Variants in CAAP1 observed in about 807,000 individuals in gnomAD.
CAAP1 encodes the protein conserved anti-apoptotic protein.
A neutral mutation model predicts 34.0 loss-of-function variants in CAAP1; 20 were observed. The observed-to-expected ratio is 0.59, with a 90% CI of 0.41 to 0.86. The LOEUF is 0.86. CAAP1 is among the 40% of genes least tolerant of loss of function. The pLI, the probability that CAAP1 is intolerant of heterozygous loss-of-function variation, is 0.00. For missense variants in CAAP1, 538 were observed against 450.5 expected, an observed-to-expected ratio of 1.19 and a Z score of -1.76; for synonymous variants, 213 against 166.7, an observed-to-expected ratio of 1.28 and a Z score of -2.14.
At chr9:26,870,579 C>T (rs937955417) in intron 4 of CAAP1, among the ~76,000 whole-genome samples, 3 of 129,872 alleles carry the variant, frequency 2.3e-5, no homozygotes, top group Non-Finnish European at 4.8e-5. Context: ...TAAATACACA[C>T]ATATATACGT....
intron 5 of CAAP1, among the ~76,000 whole-genome samples, chr9:26,849,152 A>T (rs1822684745): frequency 6.6e-6 from 1 of 152,228 alleles, no homozygotes; most frequent in Non-Finnish European, 1.5e-5. Flanking sequence ...ACAAAGGTAC[A>T]TTGGTGAGTA....
intron 4 of CAAP1, among the ~76,000 whole-genome samples, chr9:26,865,922 T>C (rs955585564): frequency 2.4e-4 from 36 of 152,090 alleles, no homozygotes; most frequent in Admixed American, 2.1e-3. Flanking sequence ...TCTCAGCTCA[T>C]TGCAACCTCC....
Position 26,892,702 on chromosome 9 carries a change from T to C in CAAP1, c.14A>G (p.Lys5Arg), listed in dbSNP as rs755791393. 6.3e-7 allele frequency: 1 copy of C among 1,593,948 alleles called. No individual in the cohort carries two copies. Among genetic ancestry groups the C allele is most frequent in the Non-Finnish European group, 8.5e-7 (1 of 1,174,050 alleles). The change falls in exon 1 of 6, where the codon AAG becomes AGG. Residue 5 changes from lysine to arginine, a missense_variant. Lys to Arg is a conservative substitution (Grantham distance 26). Transcript: ENST00000333916. Reference sequence around the variant, plus strand: ...TTTGCGCCGTTTCTCCCGGGAGGACTTTTTCCCCGTCATGATCCCTCTGCT... The same window carrying C: ...TTTGCGCCGTTTCTCCCGGGAGGACCTTTTCCCCGTCATGATCCCTCTGCT... MTGK[K>R]SSREKRRKRS...
chr9:26,880,279 C>A, intron 4 of CAAP1: 1 of 406,250 alleles, frequency 2.5e-6, no homozygotes. Flanking sequence ...CGCAAAGCAC[C>A]AATAGCTGCG....
At chr9:26,866,477 T>C (rs888253994) in intron 4 of CAAP1, among the ~76,000 whole-genome samples, 3 of 152,200 alleles carry the variant, frequency 2.0e-5, no homozygotes, top group African/African-American at 7.2e-5. Flanking sequence ...AGGACAGACT[T>C]ACTCTCACTA....
intron 5 of CAAP1, among the ~76,000 whole-genome samples, chr9:26,855,062 C>T (rs1822835648): frequency 6.6e-6 from 1 of 152,180 alleles, no homozygotes; most frequent in South Asian, 2.1e-4. Context: ...CTATTTTATC[C>T]ATAATTGCCA....
chr9:26,846,341 A>C (rs956426219), intron 5 of CAAP1, among the ~76,000 whole-genome samples: 2 of 145,004 alleles, frequency 1.4e-5, no homozygotes, highest in Non-Finnish European at 3.0e-5. Context: ...GCTTGAACCC[A>C]GGAGGCAGAG....
chr9:26,852,283 G>A (rs772846806), intron 5 of CAAP1, among the ~76,000 whole-genome samples: 28 of 151,970 alleles, frequency 1.8e-4, no homozygotes, highest in African/African-American at 3.4e-4. Context: ...GTGAAACGCC[G>A]TCTCTATTAA....
At position 26,840,704 on chromosome 9, in the gene CAAP1, T is replaced by C. The variant is rs553161134; in HGVS notation, c.*1597A>G. The C allele has an allele frequency of 6.6e-6, 1 of 152,358 alleles. No homozygotes were observed. Among genetic ancestry groups the C allele is most frequent in the South Asian group, 2.1e-4 (1 of 4,834 alleles). The allele number at this position is 152,358 out of a possible 1,614,324, so 9.4% of individuals were successfully genotyped here. On this transcript the variant is annotated 3_prime_UTR_variant, in exon 6 of 6. Coordinates refer to ENST00000333916, the MANE Select transcript of CAAP1 (RefSeq NM_024828.4). ...CAATGCTTCATGAAGGTGGAGACTT[T>C]AATCATCTACAAAGCCCTCAGACCT...
chr9:26,882,752 G>A (rs1415581272), intron 4 of CAAP1, among the ~76,000 whole-genome samples: 1 of 152,226 alleles, frequency 6.6e-6, no homozygotes, highest in Non-Finnish European at 1.5e-5. Context: ...ACCAGCATGT[G>A]AAAGCAGCTA....
At chr9:26,890,880 G>T (rs1260877629) in intron 1 of CAAP1, among the ~76,000 whole-genome samples, 2 of 152,152 alleles carry the variant, frequency 1.3e-5, no homozygotes, top group Admixed American at 1.3e-4. Flanking sequence ...GGGAGGCGGA[G>T]CTTGCAGTGA....
chr9:26,872,570 A>ATATG (rs951036056), intron 4 of CAAP1, among the ~76,000 whole-genome samples: 1 of 149,402 alleles, frequency 6.7e-6, no homozygotes, highest in Non-Finnish European at 1.5e-5. Context: ...ATATATATAT[A>ATATG]TATTTAGACA....
chr9:26,892,542 G>T lies in CAAP1; in HGVS notation c.174C>A (p.Ala58=), dbSNP rs778997530. 33 of 1,578,032 alleles carry T rather than the reference G, an allele frequency of 2.1e-5. No homozygotes were observed. In the African/African-American group the frequency reaches 3.8e-4, roughly 18 times the overall value. ...CGCCGGTGACACTTCCACTAAAATT[G>T]GCGTTCCCACAGCAGCTGACGCTCC... ...GCGSVSCCGN[A]NFSGSVTGGG... Residue 58 remains alanine, a synonymous_variant, in exon 1 of 6, where the codon GCC becomes GCA. Coordinates refer to ENST00000333916, the MANE Select transcript of CAAP1 (RefSeq NM_024828.4).
intron 1 of CAAP1, among the ~76,000 whole-genome samples, chr9:26,889,867 CAAAAA>C (rs1028187218): frequency 1.9e-5 from 1 of 51,326 alleles, no homozygotes; most frequent in Admixed American, 1.9e-4. Flanking sequence ...GACTCTGTCT[CAAAAA>C]AAAAAAAAAA....
Position 26,847,198 on chromosome 9 carries a change from ATTTTTTTTTTTTTTTT to A in CAAP1, c.740-4567_740-4552del, listed in dbSNP as rs1171628621. ...TTTTTACTAGTAAGTAAAAAGCAAT[ATTTTTTTTTTTTTTTT>A]TTTTTTTTTTTTTTTTTTGACACGG... On this transcript the variant is annotated intron_variant, in intron 5 of 5. Coordinates refer to ENST00000333916, the MANE Select transcript of CAAP1 (RefSeq NM_024828.4). Among the ~76,000 whole-genome samples the A allele has an allele frequency of 3.3e-3, 113 of 34,762 alleles. 2 individuals carry two copies. Among genetic ancestry groups the A allele is most frequent in the African/African-American group, 0.012 (102 of 8,546 alleles). 22.8% of individuals were successfully genotyped at this position (34,762 alleles called of 152,430 possible).
chr9:26,879,089 A>G (rs1263010567), intron 4 of CAAP1, among the ~76,000 whole-genome samples: 1 of 152,232 alleles, frequency 6.6e-6, no homozygotes, highest in Non-Finnish European at 1.5e-5. Flanking sequence ...TGAGATTTGT[A>G]TACATGGAAG....
At chr9:26,843,015 T>C (rs1357375208) in intron 5 of CAAP1, among the ~76,000 whole-genome samples, 2 of 152,212 alleles carry the variant, frequency 1.3e-5, no homozygotes, top group Admixed American at 1.3e-4. Flanking sequence ...GGATACAGTA[T>C]GGCTTACTAT....
At chr9:26,858,801 C>T (rs555146299) in intron 5 of CAAP1, among the ~76,000 whole-genome samples, 142 of 134,344 alleles carry the variant, frequency 1.1e-3, no homozygotes, top group African/African-American at 3.6e-3. Flanking sequence ...CCAGCCTGGG[C>T]GACAGAGGGA....
At chr9:26,849,454 G>T (rs1373928900) in intron 5 of CAAP1, among the ~76,000 whole-genome samples, 2 of 152,148 alleles carry the variant, frequency 1.3e-5, no homozygotes, top group African/African-American at 4.8e-5. Context: ...GTTAACTTTA[G>T]TTCTTTCGCT....
Sources: gnomAD v4.1 joint callset for allele counts (sites outside exome capture counted in the v4.1 genomes callset) on GRCh38, gnomAD v4.1.1 for gene constraint, MANE v1.5 for transcripts, NCBI Gene and HGNC (gene_info 2026-07-23, HGNC 2026-07-21) for gene names.